HCRTR1: variants seen among roughly 807,000 people sequenced by gnomAD.
The protein encoded by HCRTR1 is hypocretin receptor 1, also known as orexin/Hypocretin receptor type 1.
A neutral mutation model predicts 40.6 loss-of-function variants in HCRTR1; 28 were observed. The ratio of observed to expected loss-of-function variants is 0.69; its 90% confidence interval spans 0.51 to 0.95. The LOEUF (loss-of-function observed/expected upper bound fraction) is 0.95, where lower values mean the gene tolerates loss of function less well. Among genes scored for constraint, HCRTR1 ranks in the 40% least tolerant of loss-of-function variants. The pLI, the probability that HCRTR1 is intolerant of heterozygous loss-of-function variation, is 0.00. For missense variants in HCRTR1, 482 were observed against 564.7 expected (o/e 0.85, Z 1.48); for synonymous variants, 209 against 230.0 (o/e 0.91, Z 0.83).
chr1:31,624,434 T>C (rs1028751291), intron 7 of HCRTR1, among the ~76,000 whole-genome samples: 4 of 118,878 alleles, frequency 3.4e-5, no homozygotes, highest in Non-Finnish European at 6.5e-5. Flanking sequence ...CCAGCCTGGG[T>C]GACACAGCTG....
intron 7 of HCRTR1, among the ~76,000 whole-genome samples, chr1:31,624,146 CTTT>C (rs1309903644): frequency 1.3e-5 from 2 of 152,156 alleles, no homozygotes. Flanking sequence ...TTTGCTTTTG[CTTT>C]AGATACAATG....
In HCRTR1 at chr1:31,619,100, C is replaced by T; in HGVS notation, c.-93C>T. ...AGACCTGGGTGCAAGCCTCCAGGCA[C>T]CCTGAAGGGAGTGGGCTGAGGGCTG... On this transcript the variant is annotated 5_prime_UTR_variant, in exon 3 of 9. Coordinates refer to ENST00000403528, the MANE Select transcript of HCRTR1 (RefSeq NM_001525.3). 1 of 1,083,358 alleles carries T rather than the reference C, an allele frequency of 9.2e-7. No homozygotes were observed. The allele number at this position is 1,083,358 out of a possible 1,614,324, so 67.1% of individuals were successfully genotyped here.
At chr1:31,621,177 A>G (rs1639848526) in intron 5 of HCRTR1, 91 bp downstream of exon 5, 2 of 1,474,634 alleles carry the variant, frequency 1.4e-6, no homozygotes, top group African/African-American at 2.8e-5. Context: ...GGTCCCTTCC[A>G]AAGTGGGAAA....
chr1:31,619,644 G>A lies in HCRTR1; in HGVS notation c.312G>A (p.Leu104=), dbSNP rs139827055. Residue 104 remains leucine (L), a synonymous_variant, in exon 4 of 9, where the codon CTG becomes CTA. Transcript: ENST00000403528. The part of the protein sequence containing the change: ...LVTAICLPAS[L]LVDITESWLF... The stretch of plus-strand genomic sequence containing the variant: ...CTGCTATCTGCCTGCCGGCCAGCCT[G>A]CTGGTGGACATCACTGAGTCCTGGC... The A allele has an allele frequency of 6.2e-7, 1 of 1,613,958 alleles. No homozygotes were observed. The highest frequency in any genetic ancestry group is 8.5e-7 in the Non-Finnish European group (1 of 1,179,928).
chr1:31,624,466 A>AAAAAAAAG (rs1427621079), intron 7 of HCRTR1, among the ~76,000 whole-genome samples: 1 of 123,976 alleles, frequency 8.1e-6, no homozygotes, highest in African/African-American at 2.6e-5. Context: ...AAAAAAAAAA[A>AAAAAAAAG]AAAAAGCCTT....
Position 31,618,783 on chromosome 1 carries a change from C to T in HCRTR1, c.-176C>T, listed in dbSNP as rs142233240. ...TCTTGGTGAAGCACTTGGCACGCAT[C>T]GGAGCTCATTACTCCTCATCGTGGT... On this transcript the variant is annotated 5_prime_UTR_variant, in exon 2 of 9. Transcript: ENST00000403528. 7.6e-5 allele frequency: 15 copies of T among 196,288 alleles called. No homozygotes were observed. Among genetic ancestry groups the T allele is most frequent in the African/African-American group, 3.3e-4 (14 of 42,582 alleles). The allele number at this position is 196,288 out of a possible 1,614,324, so 12.2% of individuals were successfully genotyped here. A position where few individuals can be genotyped will look rare whatever the true frequency, so the allele number is the denominator to read the frequency against.
rs1273485413 is a variant in HCRTR1, at chr1:31,625,931, G to C, written c.1087+813G>C. On this transcript the variant is annotated intron_variant, in intron 8 of 8. Coordinates refer to ENST00000403528, the MANE Select transcript of HCRTR1 (RefSeq NM_001525.3). This position sits in a 1 kb window ranked among gnomAD's most constrained non-coding sequence, Gnocchi z 4.2. ...TAGTATAACCCTCATTGAGACTCAA[G>C]AATTACTCAACAAGGCTGGCTGCGG... 6.6e-6 allele frequency among the ~76,000 whole-genome samples: 1 copy of C among 152,194 alleles called. No homozygotes were observed. The highest frequency in any genetic ancestry group is 1.9e-4 in the East Asian group (1 of 5,208).
downstream of HCRTR1, chr1:31,627,698 CA>C (rs1370977598): frequency 3.5e-6 from 1 of 283,114 alleles, no homozygotes; most frequent in Non-Finnish European, 7.0e-6. Flanking sequence ...GGAGGGAAGA[CA>C]AGAAGGCACT....
chr1:31,628,116 A>G (rs1385657902), downstream of HCRTR1, among the ~76,000 whole-genome samples: 2 of 152,048 alleles, frequency 1.3e-5, no homozygotes, highest in African/African-American at 4.8e-5. Context: ...CTCTGCTGAG[A>G]GGAACAGGGA....
intron 7 of HCRTR1, 82 bp downstream of exon 7, chr1:31,623,831 C>A: frequency 1.0e-6 from 1 of 991,508 alleles, no homozygotes; most frequent in Non-Finnish European, 1.5e-6. Context: ...AAAGACCTGG[C>A]TCCACCCCTT....
chr1:31,629,534 G>C (rs1242086310), downstream of HCRTR1, among the ~76,000 whole-genome samples: 1 of 152,154 alleles, frequency 6.6e-6, no homozygotes, highest in Non-Finnish European at 1.5e-5. Flanking sequence ...GAGTTTGTCT[G>C]GAAGATAAAA....
downstream of HCRTR1, among the ~76,000 whole-genome samples, chr1:31,632,910 A>C (rs1375957706): frequency 6.6e-6 from 1 of 152,122 alleles, no homozygotes; most frequent in Non-Finnish European, 1.5e-5. Flanking sequence ...CCTACAGGGG[A>C]GGGAGTACCA....
Position 31,619,517 on chromosome 1 carries a change from C to A in HCRTR1, c.200-15C>A, listed in dbSNP as rs374440426. On this transcript the variant is annotated splice_polypyrimidine_tract_variant and intron_variant, in intron 3 of 8. Transcript: ENST00000403528. ...TGTGGCTCTGCCACCAGCTTCACCT[C>A]GCTGCACCCTGCAGTCTGCCTGGCC... 1 of 1,613,864 alleles carries A rather than the reference C, an allele frequency of 6.2e-7. No individual in the cohort carries two copies.
At position 31,626,669 on chromosome 1, in the gene HCRTR1, T is replaced by TGCC; in HGVS notation, c.1088-121_1088-120insGCC. 7.6e-6 allele frequency: 3 copies of TGCC among 394,112 alleles called. No individual in the cohort carries two copies. The highest frequency in any genetic ancestry group is 1.5e-5 in the Non-Finnish European group (3 of 196,622). 24.4% of individuals were successfully genotyped at this position (394,112 alleles called of 1,614,324 possible). Reference sequence around the variant, plus strand: ...GGGCTCTCCCTCCCAGCTCTATCCCTCCCTCCCTCCCCGCCCCCTCATAGG... The same window carrying TGCC: ...GGGCTCTCCCTCCCAGCTCTATCCCTGCCCCCTCCCTCCCCGCCCCCTCATAGG... On this transcript the variant is annotated intron_variant, in intron 8 of 8. Coordinates refer to ENST00000403528, the MANE Select transcript of HCRTR1 (RefSeq NM_001525.3). This position sits in a 1 kb window ranked among gnomAD's most constrained non-coding sequence, Gnocchi z 4.6.
At chr1:31,629,520 A>C (rs1240654972), downstream of HCRTR1, among the ~76,000 whole-genome samples, 2 of 152,246 alleles carry the variant, frequency 1.3e-5, no homozygotes, top group Non-Finnish European at 2.9e-5. Flanking sequence ...TGACTTAATA[A>C]ATGGAGTTTG....
At chr1:31,623,777 GGGAGAAGTTTGAGGTT>G (rs2148610853) in intron 7 of HCRTR1, 28 bp downstream of exon 7, 1 of 1,576,348 alleles carries the variant, frequency 6.3e-7, no homozygotes, top group Non-Finnish European at 8.7e-7. Context: ...GGTTGGGGTG[GGGAGAAGTTTGAGGTT>G]GGGGAAGGAG....
At chr1:31,633,585 G>A (rs955347534), downstream of HCRTR1, among the ~76,000 whole-genome samples, 3 of 152,172 alleles carry the variant, frequency 2.0e-5, no homozygotes, top group South Asian at 4.1e-4. Flanking sequence ...TAAGGAACGG[G>A]GACCTGTACC....
rs12041252 is a variant in HCRTR1 at position 31,622,129 on chromosome 1, T to C, written c.738+537T>C. 3.5e-4 allele frequency among the ~76,000 whole-genome samples: 54 copies of C among 152,324 alleles called. No homozygotes were observed. The East Asian group carries it at 9.8e-3, about 28-fold the overall frequency. On this transcript the variant is annotated intron_variant, in intron 6 of 8. Transcript: ENST00000403528. ...AAATGCCAAATAAGGGCAACCAACT[T>C]GCCAGATTCAACAGCAGCAGAGCCT... is the stretch of plus-strand genomic sequence containing the variant.
At chr1:31,630,984 G>C (rs1640084643), downstream of HCRTR1, 4 of 736,978 alleles carry the variant, frequency 5.4e-6, no homozygotes, top group Non-Finnish European at 9.1e-6. Flanking sequence ...AAATCCCAAG[G>C]GTCTGTCTAA....
Sources: allele counts gnomAD v4.1 joint callset (sites outside exome capture counted in the v4.1 genomes callset), GRCh38; gene constraint gnomAD v4.1.1; non-coding constraint Gnocchi (gnomAD v3.1); transcripts MANE v1.5; gene names NCBI Gene and HGNC (gene_info 2026-07-23, HGNC 2026-07-21).